The following DGKD variants were observed in gnomAD, a reference collection of about 807,000 sequenced individuals.
DGKD encodes the protein DAG kinase delta.
In DGKD, 68 loss-of-function variants were observed where a neutral mutation model predicts 154.4. That is an observed-to-expected ratio of 0.44 (90% CI 0.36 to 0.54). The LOEUF (loss-of-function observed/expected upper bound fraction) is 0.54. Ranked by LOEUF, DGKD falls within the 20% of genes least tolerant of loss-of-function variation. DGKD has a pLI of 0.00. For synonymous variants in DGKD, 693 were observed against 638.0 expected, an observed-to-expected ratio of 1.09 and a Z score of -1.30; for missense variants, 1,343 against 1,593.6, an observed-to-expected ratio of 0.84 and a Z score of 2.68.
chr2:233,447,837 C>T, intron 12 of DGKD: 1 of 1,317,666 alleles, frequency 7.6e-7, no homozygotes, highest in Non-Finnish European at 9.7e-7. Context: ...GGATCGCAGA[C>T]TGAAGGAGAT....
intron 18 of DGKD, 144 bp from the exon 19 acceptor site, chr2:233,454,619 T>C: frequency 1.6e-6 from 1 of 610,434 alleles, no homozygotes. Flanking sequence ...AATTATCTAG[T>C]GTATATCTTA....
At position 233,438,745 on chromosome 2, in the gene DGKD, GTCTA is replaced by G. The variant is rs150251118; in HGVS notation, c.1085+373_1085+376del. Among the ~76,000 whole-genome samples the G allele has an allele frequency of 0.036, 3,181 of 89,380 alleles. 74 individuals are homozygous for G. Among genetic ancestry groups the G allele is most frequent in the Non-Finnish European group, 0.054 (2,367 of 43,646 alleles). 58.6% of individuals were successfully genotyped at this position (89,380 alleles called of 152,430 possible). A position where few individuals can be genotyped will look rare whatever the true frequency, so the allele number is the denominator to read the frequency against. On this transcript the variant is annotated intron_variant, in intron 9 of 29. Coordinates refer to ENST00000264057, the MANE Select transcript of DGKD (RefSeq NM_152879.3). The surrounding 1 kb of genome is among the most constrained non-coding windows in gnomAD (Gnocchi z 4.1). ...TCATTTTATAATTTTTTATTTATCT[GTCTA>G]TCTATCATCTATCTATCTATCTATC...
chr2:233,435,531 GA>G, intron 5 of DGKD, among the ~76,000 whole-genome samples: 1 of 152,198 alleles, frequency 6.6e-6, no homozygotes, highest in East Asian at 1.9e-4. Flanking sequence ...TGTGCTACAT[GA>G]CAGAGTTGAT....
At chr2:233,374,881 C>A (rs1702490617) in intron 1 of DGKD, among the ~76,000 whole-genome samples, 1 of 152,142 alleles carries the variant, frequency 6.6e-6, no homozygotes, top group South Asian at 2.1e-4. Context: ...GTTGCCCAGG[C>A]TGGTCTTGAA....
intron 18 of DGKD, chr2:233,454,305 G>A (rs960219320): frequency 1.8e-5 from 8 of 456,004 alleles, no homozygotes; most frequent in South Asian, 6.4e-5. Flanking sequence ...AAAATGAAGC[G>A]CTAACACATG....
intron 3 of DGKD, among the ~76,000 whole-genome samples, chr2:233,427,162 T>C (rs964746510): frequency 6.6e-6 from 1 of 151,974 alleles, no homozygotes; most frequent in African/African-American, 2.4e-5. Flanking sequence ...CGTTTCTTTC[T>C]CCAGTCATCA....
intron 3 of DGKD, among the ~76,000 whole-genome samples, chr2:233,404,723 G>A: frequency 6.6e-6 from 1 of 152,146 alleles, no homozygotes. Context: ...TGGGTTTGTT[G>A]AAGGGAAGTG....
rs2124888388 is a variant in DGKD at position 233,452,867 on chromosome 2, A to T, written c.2264+807A>T. ...CCATTTTTCTGGAGTGGTGACGGAC[A>T]GTGACAGGAAGAAATGTGCGGTTCA... On this transcript the variant is annotated intron_variant, in intron 18 of 29. Coordinates refer to ENST00000264057, the MANE Select transcript of DGKD (RefSeq NM_152879.3). This position sits in a 1 kb window ranked among gnomAD's most constrained non-coding sequence, Gnocchi z 4.0. 6.6e-6 allele frequency among the ~76,000 whole-genome samples: 1 copy of T among 152,298 alleles called. No homozygotes were observed. Among genetic ancestry groups the T allele is most frequent in the East Asian group, 1.9e-4 (1 of 5,186 alleles).
chr2:233,365,396 G>A (rs1216514659), intron 1 of DGKD, among the ~76,000 whole-genome samples: 1 of 151,990 alleles, frequency 6.6e-6, no homozygotes, highest in Admixed American at 6.6e-5. Context: ...ATGCCACCAT[G>A]CTTGGCTAAT....
Position 233,454,872 on chromosome 2 carries a change from A to C in DGKD, c.2374A>C (p.Arg792=). 1 of 1,604,696 alleles carries C rather than the reference A, an allele frequency of 6.2e-7. No homozygotes were observed. ...GCGCGATGAGCACCCAGAGAAGTGCAGGTAGGTAACAGGCTCAGGAGCACG... is the reference window on the plus strand; with the variant it reads ...GCGCGATGAGCACCCAGAGAAGTGCCGGTAGGTAACAGGCTCAGGAGCACG... ...NKRDEHPEKC[R]SRTKNMMWYG... is the part of the protein sequence containing the mutation. The change falls in exon 19 of 30, where the codon AGG becomes CGG. Residue 792 remains arginine, a splice_region_variant and synonymous_variant. Transcript: ENST00000264057.
At chr2:233,388,132 A>G in intron 1 of DGKD, 125 bp from the exon 2 acceptor site, 1 of 1,537,840 alleles carries the variant, frequency 6.5e-7, no homozygotes, top group Admixed American at 2.1e-5. Context: ...GTCTGTTGAG[A>G]GTGTGAGAAA....
rs2062879328 is a variant in DGKD at position 233,441,327 on chromosome 2, A to G, written c.1086-560A>G. On this transcript the variant is annotated intron_variant, in intron 9 of 29. Transcript: ENST00000264057. The surrounding 1 kb of genome is among the most constrained non-coding windows in gnomAD (Gnocchi z 5.6). ...CATATGTGCTGCAGTGGGGACACGC[A>G]GCCCGCAGCAGGTCAGGCAGCCTGG... 1.3e-5 allele frequency among the ~76,000 whole-genome samples: 2 copies of G among 152,200 alleles called. No homozygotes were observed. Among genetic ancestry groups the G allele is most frequent in the Admixed American group, 6.5e-5 (1 of 15,284 alleles).
intron 3 of DGKD, among the ~76,000 whole-genome samples, chr2:233,422,096 C>T (rs1417129362): frequency 6.6e-6 from 1 of 152,214 alleles, no homozygotes; most frequent in African/African-American, 2.4e-5. Context: ...TGTGGGGCTG[C>T]AGAGGCAGCT....
rs1190482209 is a variant in DGKD at position 233,445,785 on chromosome 2, GC to G, written c.1334+25del. 6.3e-7 allele frequency: 1 copy of G among 1,585,032 alleles called. No homozygotes were observed. Among genetic ancestry groups the G allele is most frequent in the Non-Finnish European group, 8.6e-7 (1 of 1,163,224 alleles). On this transcript the variant is annotated intron_variant, in intron 11 of 29. Coordinates refer to ENST00000264057, the MANE Select transcript of DGKD (RefSeq NM_152879.3). This position sits in a 1 kb window ranked among gnomAD's most constrained non-coding sequence, Gnocchi z 5.5. ...CAGGTGAGTGGGGATGTGCTCCGGT[GC>G]CGTATGAGGAGACTTTGAGAGACAG...
chr2:233,418,064 G>T (rs1205911377), intron 3 of DGKD, among the ~76,000 whole-genome samples: 1 of 152,156 alleles, frequency 6.6e-6, no homozygotes, highest in Non-Finnish European at 1.5e-5. Context: ...CAAAAATTTG[G>T]ATTATTTATA....
intron 3 of DGKD, among the ~76,000 whole-genome samples, chr2:233,420,030 G>C (rs961953023): frequency 3.3e-5 from 5 of 152,184 alleles, no homozygotes; most frequent in African/African-American, 9.7e-5. Context: ...ATTGACTCTG[G>C]GATGAGAAAT....
chr2:233,432,367 T>C (rs1356944301), intron 3 of DGKD, among the ~76,000 whole-genome samples: 1 of 138,566 alleles, frequency 7.2e-6, no homozygotes, highest in Non-Finnish European at 1.6e-5. Context: ...CTACTAAAAA[T>C]ACAAAAAATT....
At chr2:233,400,708 C>T (rs1353069602) in intron 3 of DGKD, among the ~76,000 whole-genome samples, 1 of 152,122 alleles carries the variant, frequency 6.6e-6, no homozygotes. Context: ...TAGCCCTGGT[C>T]ACCTCTCATG....
chr2:233,447,168 C>T (rs550645932), intron 12 of DGKD, among the ~76,000 whole-genome samples: 4 of 142,404 alleles, frequency 2.8e-5, no homozygotes, highest in African/African-American at 1.1e-4. Flanking sequence ...ATGCTCTAGC[C>T]GGCTCTGCCG....
Sources: allele counts gnomAD v4.1 joint callset (sites outside exome capture counted in the v4.1 genomes callset), GRCh38; gene constraint gnomAD v4.1.1; non-coding constraint Gnocchi (gnomAD v3.1); transcripts MANE v1.5; gene names NCBI Gene and HGNC (gene_info 2026-07-23, HGNC 2026-07-21).